The following OVCH1 variants were observed in gnomAD, a reference collection of about 807,000 sequenced individuals.
OVCH1 encodes the protein ovochymase 1.
A neutral mutation model predicts 138.4 loss-of-function variants in OVCH1; 139 were observed. That is an observed-to-expected ratio of 1.00 (90% CI 0.87 to 1.16). The LOEUF (loss-of-function observed/expected upper bound fraction) is 1.16, where lower values mean the gene tolerates loss of function less well. Ranked by LOEUF, OVCH1 falls within the 50% of genes most tolerant of loss-of-function variation. The pLI is 0.00. For synonymous variants in OVCH1, 453 were observed against 467.8 expected (o/e 0.97, Z 0.41); for missense variants, 1,367 against 1,357.9 (o/e 1.01, Z -0.11).
At chr12:29,429,363 T>C (rs554995468) in intron 27 of OVCH1, among the ~76,000 whole-genome samples, 46 of 152,296 alleles carry the variant, frequency 3.0e-4, no homozygotes, top group African/African-American at 9.9e-4. Context: ...GTGAGTGTGA[T>C]CTCATACTCA....
intron 16 of OVCH1, 139 bp downstream of exon 16, chr12:29,471,663 T>C (rs1216034492): frequency 1.9e-5 from 18 of 944,584 alleles, no homozygotes; most frequent in Admixed American, 6.6e-5. Flanking sequence ...AGTAGCTAGA[T>C]GGCTATGCAG....
At chr12:29,486,342 T>C (rs890505042) in exon 8 of OVCH1, 2 of 1,611,828 alleles carry the variant, frequency 1.2e-6, no homozygotes, top group Non-Finnish European at 1.7e-6. Flanking sequence ...TTGGCCCCGA[T>C]CCAAACCTGT....
At position 29,439,451 on chromosome 12, in the gene OVCH1, AAAAC is replaced by A. The variant is rs4033114; in HGVS notation, c.3158-21_3158-18del. On this transcript the variant is annotated intron_variant, in intron 25 of 27. Transcript: ENST00000318184. ...CGAATGAAGCTAAGATGGTCTGAGA[AAAAC>A]AAACAAACAAACAAACAAAAAACAA... The A allele has an allele frequency of 6.2e-3, 9,105 of 1,473,876 alleles. 34 individuals carry two copies. The highest frequency in any genetic ancestry group is 7.3e-3 in the Non-Finnish European group (8,093 of 1,114,008). The allele number at this position is 1,473,876 out of a possible 1,614,324, so 91.3% of individuals were successfully genotyped here.
chr12:29,493,144 G>A (rs1943317573), intron 4 of OVCH1, among the ~76,000 whole-genome samples: 1 of 152,080 alleles, frequency 6.6e-6, no homozygotes, highest in Admixed American at 6.6e-5. Context: ...TAGTATAGAT[G>A]GCTTTTAATA....
At chr12:29,442,535 A>G (rs542812079) in intron 25 of OVCH1, among the ~76,000 whole-genome samples, 5 of 150,842 alleles carry the variant, frequency 3.3e-5, no homozygotes, top group African/African-American at 1.2e-4. Flanking sequence ...TGACGAGTTA[A>G]TGGGTGCAGC....
rs67595567 is a variant in OVCH1 at position 29,488,620 on chromosome 12, C to CAAAAAAAAAAAAA, written c.703-751_703-739dup. ...TGGGCAACAGAGTGAGACTCCATCT[C>CAAAAAAAAAAAAA]AAAAAAAAAAAAAAAAAAAAAAAGA... On this transcript the variant is annotated intron_variant, in intron 6 of 27. Coordinates refer to ENST00000318184, the Ensembl canonical transcript of OVCH1. 1.3e-3 allele frequency among the ~76,000 whole-genome samples: 79 copies of CAAAAAAAAAAAAA among 61,722 alleles called. 3 individuals carry two copies. Among genetic ancestry groups the CAAAAAAAAAAAAA allele is most frequent in the African/African-American group, 5.2e-3 (76 of 14,750 alleles). The allele number at this position is 61,722 out of a possible 152,430, so 40.5% of individuals were successfully genotyped here.
chr12:29,494,877 G>T (rs1013607010), intron 4 of OVCH1, among the ~76,000 whole-genome samples: 4 of 152,136 alleles, frequency 2.6e-5, no homozygotes, highest in Non-Finnish European at 4.4e-5. Context: ...CTTAGAAGAG[G>T]TAAGACCTGA....
At chr12:29,487,117 G>C in intron 7 of OVCH1, 1 of 228,386 alleles carries the variant, frequency 4.4e-6, no homozygotes, top group Non-Finnish European at 9.0e-6. Flanking sequence ...TGGGGCTCTG[G>C]GTCTTGTCAT....
intron 5 of OVCH1, among the ~76,000 whole-genome samples, 171 bp from the exon 6 acceptor site, chr12:29,489,942 A>AT (rs1316659866): frequency 6.6e-6 from 1 of 152,174 alleles, no homozygotes; most frequent in Non-Finnish European, 1.5e-5. Context: ...GGCAGAGGAC[A>AT]TTTTTTGAAA....
intron 18 of OVCH1, among the ~76,000 whole-genome samples, chr12:29,462,865 ATTC>A (rs1362757361): frequency 6.6e-6 from 1 of 152,160 alleles, no homozygotes; most frequent in East Asian, 1.9e-4. Flanking sequence ...TAAATCTTGC[ATTC>A]TTCTTAATAT....
chr12:29,445,136 T>C, intron 23 of OVCH1, 142 bp downstream of exon 23: 2 of 934,852 alleles, frequency 2.1e-6, no homozygotes, highest in Non-Finnish European at 3.0e-6. Context: ...GTGACTTAAG[T>C]AGATTTTCCT....
At chr12:29,496,998 C>T (rs751901829) in intron 1 of OVCH1, among the ~76,000 whole-genome samples, 7 of 152,174 alleles carry the variant, frequency 4.6e-5, no homozygotes, top group Non-Finnish European at 8.8e-5. Context: ...GAGCCACATG[C>T]AGTGGTTCCC....
At chr12:29,470,517 C>T (rs1405022236) in intron 16 of OVCH1, among the ~76,000 whole-genome samples, 1 of 152,148 alleles carries the variant, frequency 6.6e-6, no homozygotes, top group African/African-American at 2.4e-5. Flanking sequence ...TGGCTTCCAG[C>T]TTTATCCATG....
At chr12:29,451,432 C>G (rs771428046) in exon 22 of OVCH1, 13 of 1,613,238 alleles carry the variant, frequency 8.1e-6, no homozygotes, top group Non-Finnish European at 1.1e-5. Flanking sequence ...GACAGATACT[C>G]AATGGTAAAT....
At chr12:29,411,138 C>T (rs1003352064), downstream of OVCH1, among the ~76,000 whole-genome samples, 4 of 98,148 alleles carry the variant, frequency 4.1e-5, no homozygotes, top group African/African-American at 1.1e-4. Flanking sequence ...AGTTCTCGAG[C>T]CTTGGCTTTC....
At chr12:29,414,185 C>T (rs895310674) in intron 3 of OVCH1, among the ~76,000 whole-genome samples, 3 of 151,930 alleles carry the variant, frequency 2.0e-5, no homozygotes, top group Non-Finnish European at 4.4e-5. Context: ...ACCATTATGC[C>T]CTGCTAATTT....
intron 14 of OVCH1, among the ~76,000 whole-genome samples, chr12:29,474,192 T>C (rs966119462): frequency 6.6e-6 from 1 of 152,120 alleles, no homozygotes; most frequent in African/African-American, 2.4e-5. Flanking sequence ...ACTATATATA[T>C]AATAAAACAA....
intron 26 of OVCH1, among the ~76,000 whole-genome samples, chr12:29,438,938 T>C (rs544349350): frequency 3.9e-5 from 6 of 152,268 alleles, no homozygotes; most frequent in Admixed American, 6.5e-5. Flanking sequence ...CCTGAGGTGG[T>C]TGAGAGTATA....
At chr12:29,488,025 G>T in intron 6 of OVCH1, 143 bp from the exon 7 acceptor site, 2 of 781,722 alleles carry the variant, frequency 2.6e-6, no homozygotes, top group South Asian at 2.2e-5. Flanking sequence ...TCAGCTTTTT[G>T]TTTATCCATT....
Sources: allele counts gnomAD v4.1 joint callset (sites outside exome capture counted in the v4.1 genomes callset), GRCh38; gene constraint gnomAD v4.1.1; transcripts MANE v1.5; gene names NCBI Gene and HGNC (gene_info 2026-07-23, HGNC 2026-07-21).